Variants in FGF12 observed in about 807,000 individuals in gnomAD.
FGF12 encodes the protein fibroblast growth factor 12, also known as fibroblast growth factor 12B.
Under a neutral mutation model 23.6 loss-of-function variants are expected in FGF12, and 14 were observed. The observed-to-expected ratio is 0.59, with a 90% CI of 0.39 to 0.93. The LOEUF (loss-of-function observed/expected upper bound fraction) is 0.93. Ranked by LOEUF, FGF12 falls within the 40% of genes least tolerant of loss-of-function variation. The probability of loss-of-function intolerance (pLI) is 0.00; values close to 1 mark genes in which losing one functional copy is unlikely to be tolerated. For synonymous variants in FGF12, 62 were observed against 77.3 expected (o/e 0.80, Z 1.04); for missense variants, 175 against 217.8 (o/e 0.80, Z 1.24).
rs918189708 is a variant in FGF12 at position 192,408,308 on chromosome 3, G to C, written c.14-47770C>G. On this transcript the variant is annotated intron_variant, in intron 2 of 5. Coordinates refer to ENST00000445105, the MANE Select transcript of FGF12 (RefSeq NM_004113.6). The surrounding 1 kb of genome is among the most constrained non-coding windows in gnomAD (Gnocchi z 7.3). ...CCGGGGCGAGGGCAGGACCTGGGCG[G>C]CCAGGGAAAGGGCAGTCGCGGGGAG... 6.9e-7 allele frequency: 1 copy of C among 1,455,126 alleles called. No individual in the cohort carries two copies. The highest frequency in any genetic ancestry group is 2.7e-5 in the Admixed American group (1 of 37,526). The allele number at this position is 1,455,126 out of a possible 1,614,324, so 90.1% of individuals were successfully genotyped here.
chr3:192,306,610 A>G (rs1468773781), intron 4 of FGF12, among the ~76,000 whole-genome samples: 1 of 152,182 alleles, frequency 6.6e-6, no homozygotes, highest in Non-Finnish European at 1.5e-5. Flanking sequence ...GGGGCAAATG[A>G]ATGAATTCTA....
chr3:192,573,717 G>A (rs1246122935), intron 2 of FGF12, among the ~76,000 whole-genome samples: 3 of 152,028 alleles, frequency 2.0e-5, no homozygotes, highest in African/African-American at 7.2e-5. Flanking sequence ...CCTATTTTAC[G>A]ATACTTATTA....
At chr3:192,300,178 C>T (rs962557407) in intron 4 of FGF12, among the ~76,000 whole-genome samples, 1 of 152,184 alleles carries the variant, frequency 6.6e-6, no homozygotes, top group Non-Finnish European at 1.5e-5. Flanking sequence ...ACCAGGTGTC[C>T]TGGGTTGGAA....
intron 2 of FGF12, among the ~76,000 whole-genome samples, chr3:192,559,681 T>C (rs752660515): frequency 9.9e-5 from 15 of 151,862 alleles, no homozygotes; most frequent in Non-Finnish European, 1.9e-4. Flanking sequence ...AAAAAAGATG[T>C]GTCAATAGAT....
chr3:192,490,076 G>A (rs1342551997), intron 2 of FGF12, among the ~76,000 whole-genome samples: 1 of 152,108 alleles, frequency 6.6e-6, no homozygotes, highest in Non-Finnish European at 1.5e-5. Context: ...ATTTGATGAA[G>A]ACACTGAAGT....
At position 192,170,560 on chromosome 3, in the gene FGF12, G is replaced by A. The variant is rs2108618733; in HGVS notation, c.325C>T (p.Arg109Ter). 6.2e-7 allele frequency: 1 copy of A among 1,613,752 alleles called. No individual in the cohort carries two copies. The highest frequency in any genetic ancestry group is 8.5e-7 in the Non-Finnish European group (1 of 1,179,916). ...TTATTGAGTCCCAGAAACCAAGCTCGGCCTGATTCTTGCTGGCGGTACAGT... is the reference window on the plus strand; with the variant it reads ...TTATTGAGTCCCAGAAACCAAGCTCAGCCTGATTCTTGCTGGCGGTACAGT... The part of the protein sequence containing the change: ...STLYRQQESG[R>*]AWFLGLNKEG... The change falls in exon 5 of 6, where the codon CGA (arginine) becomes TGA (stop). Residue 109 changes from arginine to a stop codon, truncating the protein, a stop_gained. Coordinates refer to ENST00000445105, the MANE Select transcript of FGF12 (RefSeq NM_004113.6). LOFTEE classifies it high-confidence loss of function.
chr3:192,438,130 T>A (rs1722084721), intron 2 of FGF12, among the ~76,000 whole-genome samples: 3 of 152,238 alleles, frequency 2.0e-5, no homozygotes, highest in Admixed American at 2.0e-4. Flanking sequence ...CTGAAGGATA[T>A]GATTTTACTC....
chr3:192,726,597 C>G (rs1443738564), intron 2 of FGF12, among the ~76,000 whole-genome samples: 1 of 152,080 alleles, frequency 6.6e-6, no homozygotes, highest in Non-Finnish European at 1.5e-5. Flanking sequence ...TGCTTGGAAG[C>G]CAAGCAGTAC....
chr3:192,239,257 T>G (rs543494163), intron 4 of FGF12, among the ~76,000 whole-genome samples: 2 of 152,166 alleles, frequency 1.3e-5, no homozygotes, highest in Admixed American at 6.6e-5. Context: ...AAATGAACAA[T>G]AGAAAAATCC....
chr3:192,273,327 A>C (rs1299554367), intron 4 of FGF12, among the ~76,000 whole-genome samples: 1 of 152,158 alleles, frequency 6.6e-6, no homozygotes, highest in Non-Finnish European at 1.5e-5. Flanking sequence ...AATATATACA[A>C]TATACTCTGA....
At chr3:192,425,019 A>G (rs757324497) in intron 2 of FGF12, among the ~76,000 whole-genome samples, 2 of 152,144 alleles carry the variant, frequency 1.3e-5, no homozygotes, top group East Asian at 1.9e-4. Context: ...ATGTGTGTAT[A>G]AAATTTTAAA....
At chr3:192,339,127 T>C (rs1717563232) in intron 3 of FGF12, among the ~76,000 whole-genome samples, 1 of 152,196 alleles carries the variant, frequency 6.6e-6, no homozygotes, top group South Asian at 2.1e-4. Flanking sequence ...ACTAAGCCCA[T>C]TTTTAAAAAT....
chr3:192,415,738 A>T lies in FGF12; in HGVS notation c.14-55200T>A, dbSNP rs934656464. 6.5e-3 allele frequency among the ~76,000 whole-genome samples: 961 copies of T among 148,096 alleles called. 11 individuals carry two copies. The highest frequency in any genetic ancestry group is 0.02 in the African/African-American group (795 of 39,256). On this transcript the variant is annotated intron_variant, in intron 2 of 5. Transcript: ENST00000445105. The stretch of plus-strand genomic sequence containing the variant: ...CTTCTCTTCTCTCTCTCTCTCACAC[A>T]CACACACACACACACACACACACAC...
At chr3:192,167,756 T>A (rs1272382682) in intron 5 of FGF12, among the ~76,000 whole-genome samples, 1 of 32,312 alleles carries the variant, frequency 3.1e-5, no homozygotes, top group Non-Finnish European at 5.8e-5. Flanking sequence ...TATATATATA[T>A]ATATATATAT....
intron 2 of FGF12, among the ~76,000 whole-genome samples, chr3:192,523,894 C>T (rs1450104776): frequency 6.6e-6 from 1 of 152,102 alleles, no homozygotes; most frequent in African/African-American, 2.4e-5. Flanking sequence ...CCATGTAAAA[C>T]CACATAGCAG....
intron 5 of FGF12, among the ~76,000 whole-genome samples, chr3:192,147,557 C>T (rs1270673570): frequency 6.6e-6 from 1 of 152,072 alleles, no homozygotes; most frequent in Non-Finnish European, 1.5e-5. Flanking sequence ...ATATAGCAGC[C>T]TCAATATCAT....
chr3:192,344,054 T>G (rs1467258459), intron 3 of FGF12, among the ~76,000 whole-genome samples: 1 of 152,196 alleles, frequency 6.6e-6, no homozygotes, highest in African/African-American at 2.4e-5. Flanking sequence ...CTTTGAGCAG[T>G]AGGATATAAA....
chr3:192,296,374 C>A (rs1715044103), intron 4 of FGF12, among the ~76,000 whole-genome samples: 1 of 151,846 alleles, frequency 6.6e-6, no homozygotes, highest in Non-Finnish European at 1.5e-5. Context: ...CAGGTGCACA[C>A]CATCATGCCC....
intron 2 of FGF12, among the ~76,000 whole-genome samples, chr3:192,572,115 C>T (rs140068570): frequency 4.0e-4 from 61 of 152,240 alleles, no homozygotes; most frequent in African/African-American, 1.4e-3. Context: ...CATAGTAATC[C>T]AGATCCTGGA....
Sources: gnomAD v4.1 joint callset for allele counts (sites outside exome capture counted in the v4.1 genomes callset) on GRCh38, gnomAD v4.1.1 for gene constraint, Gnocchi (gnomAD v3.1) non-coding constraint, MANE v1.5 for transcripts, NCBI Gene and HGNC (gene_info 2026-07-23, HGNC 2026-07-21) for gene names.